The following AFAP1L2 variants were observed in gnomAD, a reference collection of about 807,000 sequenced individuals.
The protein encoded by AFAP1L2 is actin filament associated protein 1 like 2.
Under a neutral mutation model 99.3 loss-of-function variants are expected in AFAP1L2, and 46 were observed. The ratio of observed to expected loss-of-function variants is 0.46; its 90% CI spans 0.37 to 0.59. The LOEUF is 0.59. AFAP1L2 is among the 20% of genes least tolerant of loss of function. The pLI, the probability that AFAP1L2 is intolerant of heterozygous loss-of-function variation, is 0.00. For synonymous variants in AFAP1L2, 397 were observed against 419.1 expected (o/e 0.95, Z 0.64); for missense variants, 959 against 1,034.9 (o/e 0.93, Z 1.01).
chr10:114,385,569 CT>C (rs1335159444), intron 1 of AFAP1L2, among the ~76,000 whole-genome samples: 3 of 152,292 alleles, frequency 2.0e-5, no homozygotes, highest in African/African-American at 7.2e-5. Flanking sequence ...GGGGTTACCC[CT>C]GGCCTCAGTG....
downstream of AFAP1L2, among the ~76,000 whole-genome samples, chr10:114,294,172 A>AT (rs2039858180): frequency 6.6e-6 from 1 of 152,052 alleles, no homozygotes; most frequent in Non-Finnish European, 1.5e-5. Context: ...ACCCTGCTGA[A>AT]TTTTTCATTT....
At chr10:114,397,159 T>C (rs1410063758) in intron 1 of AFAP1L2, among the ~76,000 whole-genome samples, 2 of 152,038 alleles carry the variant, frequency 1.3e-5, no homozygotes, top group South Asian at 2.1e-4. Flanking sequence ...CAGTTCTGAA[T>C]TGTGACAAGT....
rs750870654 is a variant in AFAP1L2, at chr10:114,299,316, A to T, written c.2057T>A (p.Leu686Gln). The part of the protein sequence containing the change: ...EKKKEEIRGH[L>Q]AQLRKEKREL... ...CCGTTTCTCTTTCCGGAGCTGAGCC[A>T]GGTGCCCCCGGATTTCTTCCTTCTT... is the stretch of plus-strand genomic sequence containing the variant. Residue 686 changes from leucine to glutamine, a missense_variant, in exon 16 of 19, where the codon CTG (leucine) becomes CAG (glutamine). Physicochemically the swap from Leu to Gln is moderately radical, Grantham distance 113. This residue lies in a region of AFAP1L2 where 576 missense variants were observed against 562.1 expected (regional missense o/e 1.02). Transcript: ENST00000304129. The T allele has an allele frequency of 6.2e-7, 1 of 1,614,226 alleles. No homozygotes were observed. The highest frequency in any genetic ancestry group is 8.5e-7 in the Non-Finnish European group (1 of 1,180,042).
At chr10:114,344,543 G>A (rs970467412) in intron 1 of AFAP1L2, among the ~76,000 whole-genome samples, 1 of 152,212 alleles carries the variant, frequency 6.6e-6, no homozygotes, top group African/African-American at 2.4e-5. Flanking sequence ...TCTATTTCAC[G>A]TGAGCCAATA....
At chr10:114,371,186 C>G (rs1303931062) in intron 1 of AFAP1L2, among the ~76,000 whole-genome samples, 1 of 152,200 alleles carries the variant, frequency 6.6e-6, no homozygotes, top group Non-Finnish European at 1.5e-5. Flanking sequence ...TCCTCATCAG[C>G]TGCTGGACAG....
chr10:114,398,485 C>A (rs898965094), intron 1 of AFAP1L2, among the ~76,000 whole-genome samples: 3 of 152,212 alleles, frequency 2.0e-5, no homozygotes, highest in Non-Finnish European at 4.4e-5. Context: ...GAACCACATG[C>A]CAGAGGTTTC....
At chr10:114,294,665 A>AAAATTTG (rs940156210), downstream of AFAP1L2, among the ~76,000 whole-genome samples, 3 of 152,166 alleles carry the variant, frequency 2.0e-5, no homozygotes, top group Non-Finnish European at 4.4e-5. Flanking sequence ...CTGTACAACT[A>AAAATTTG]AAATTTGCTT....
rs531073502 is a variant in AFAP1L2 at position 114,404,358 on chromosome 10, C to G, written c.16+82G>C. The G allele has an allele frequency of 2.1e-6, 3 of 1,440,762 alleles. No homozygotes were observed. In the East Asian group the frequency reaches 7.4e-5, roughly 36 times the overall value. 89.2% of individuals were successfully genotyped at this position (1,440,762 alleles called of 1,614,324 possible). On this transcript the variant is annotated intron_variant, in intron 1 of 18. Transcript: ENST00000304129. ...GGGCTCTGCTTATCCCGAGTCCTGG[C>G]AAGACGAGTCCTAGCCCTGCCCTCC...
At position 114,376,290 on chromosome 10, in the gene AFAP1L2, G is replaced by C. The variant is rs116941708; in HGVS notation, c.16+28150C>G. Among the ~76,000 whole-genome samples, 1,410 of 152,206 alleles carry C rather than the reference G, an allele frequency of 9.3e-3. 14 individuals carry two copies. Among genetic ancestry groups the C allele is most frequent in the Non-Finnish European group, 0.015 (1,006 of 68,004 alleles). On this transcript the variant is annotated intron_variant, in intron 1 of 18. Coordinates refer to ENST00000304129, the MANE Select transcript of AFAP1L2 (RefSeq NM_001001936.3). ...TTAACTATGACCAGACCTTGTGCTCGGATCCAGAGGAAGTGGAATAGGGGT... is the reference window on the plus strand; with the variant it reads ...TTAACTATGACCAGACCTTGTGCTCCGATCCAGAGGAAGTGGAATAGGGGT...
intron 1 of AFAP1L2, among the ~76,000 whole-genome samples, chr10:114,369,594 CA>C (rs34904418): frequency 0.37 from 27,418 of 74,592 alleles, 2,188 homozygotes; most frequent in Middle Eastern, 0.45. Context: ...GACTCCGACT[CA>C]AAAAAAAAAA....
intron 1 of AFAP1L2, among the ~76,000 whole-genome samples, chr10:114,392,013 T>C (rs2057213706): frequency 6.6e-6 from 1 of 152,156 alleles, no homozygotes; most frequent in Non-Finnish European, 1.5e-5. Flanking sequence ...GGACAGGTCC[T>C]GGTTCAGGGG....
Position 114,295,582 on chromosome 10 carries a change from G to C in AFAP1L2, c.*460C>G. The stretch of plus-strand genomic sequence containing the variant: ...ATTGGAGAGAACTGAAGGCAAGGAT[G>C]GTTTAATCCCCAACTGCTAAGTATT... On this transcript the variant is annotated 3_prime_UTR_variant, in exon 19 of 19. Coordinates refer to ENST00000304129, the MANE Select transcript of AFAP1L2 (RefSeq NM_001001936.3). 1 of 987,466 alleles carries C rather than the reference G, an allele frequency of 1.0e-6. No homozygotes were observed. Among genetic ancestry groups the C allele is most frequent in the Non-Finnish European group, 1.2e-6 (1 of 831,386 alleles). The allele number at this position is 987,466 out of a possible 1,614,324, so 61.2% of individuals were successfully genotyped here.
At chr10:114,339,014 C>T (rs115997534) in intron 2 of AFAP1L2, among the ~76,000 whole-genome samples, 81 of 152,288 alleles carry the variant, frequency 5.3e-4, no homozygotes, top group African/African-American at 1.9e-3. Flanking sequence ...CAGTTTCCCC[C>T]TCTATAACAA....
At chr10:114,315,512 T>TCC (rs61324487) in intron 6 of AFAP1L2, 48 bp downstream of exon 6, 1,522,171 of 1,595,788 alleles carry the variant, frequency 0.95, 727,414 homozygotes, top group East Asian at 1. Context: ...CCCTGCCCCT[T>TCC]CCCCAAGGAG....
At chr10:114,386,274 A>C (rs1440092965) in intron 1 of AFAP1L2, among the ~76,000 whole-genome samples, 4 of 152,170 alleles carry the variant, frequency 2.6e-5, no homozygotes, top group African/African-American at 9.7e-5. Context: ...GGTGGCATGC[A>C]TCTGTAGTCC....
downstream of AFAP1L2, chr10:114,290,349 C>A (rs1169750475): frequency 6.4e-7 from 1 of 1,550,484 alleles, no homozygotes; most frequent in East Asian, 2.4e-5. Flanking sequence ...GCTGGGAGGG[C>A]CCCCACTGCG....
At position 114,363,460 on chromosome 10, in the gene AFAP1L2, G is replaced by A. The variant is rs377653577; in HGVS notation, c.17-22729C>T. Among the ~76,000 whole-genome samples the A allele has an allele frequency of 6.6e-5, 10 of 152,130 alleles. No individual in the cohort carries two copies. The East Asian group carries it at 1.4e-3, about 21-fold the overall frequency. ...GGCTCCTGGTCCTTCATGCCCTGTC[G>A]CGGCTCCAACCAACATTTACCAAAT... On this transcript the variant is annotated intron_variant, in intron 1 of 18. Coordinates refer to ENST00000304129, the MANE Select transcript of AFAP1L2 (RefSeq NM_001001936.3).
intron 2 of AFAP1L2, among the ~76,000 whole-genome samples, chr10:114,335,959 AT>A (rs910789866): frequency 1.6e-4 from 24 of 151,592 alleles, no homozygotes; most frequent in South Asian, 4.2e-4. Context: ...TTCAGTGTTC[AT>A]TTTTTTTTAT....
At chr10:114,291,722 A>G (rs1476997829), downstream of AFAP1L2, among the ~76,000 whole-genome samples, 1 of 152,246 alleles carries the variant, frequency 6.6e-6, no homozygotes, top group Middle Eastern at 3.2e-3. Context: ...GATGGAAAGC[A>G]GCAGCTTTTC....
Sources: allele counts gnomAD v4.1 joint callset (sites outside exome capture counted in the v4.1 genomes callset), GRCh38; gene constraint gnomAD v4.1.1; regional missense constraint gnomAD v4.1.1; transcripts MANE v1.5; gene names NCBI Gene and HGNC (gene_info 2026-07-23, HGNC 2026-07-21).